KDM5A: variants seen among roughly 807,000 people sequenced by gnomAD.
KDM5A encodes the protein lysine-specific demethylase 5A.
In KDM5A, 42 loss-of-function variants were observed where a neutral mutation model predicts 193.5. The ratio of observed to expected loss-of-function variants is 0.22; its 90% CI spans 0.17 to 0.28. KDM5A has a LOEUF of 0.28. KDM5A is among the 10% of genes least tolerant of loss of function. The probability of loss-of-function intolerance (pLI) is 1.00; values close to 1 mark genes in which losing one functional copy is unlikely to be tolerated. For missense variants in KDM5A, 1,692 were observed against 2,055.1 expected, an observed-to-expected ratio of 0.82 and a Z score of 3.42; for synonymous variants, 796 against 718.1, an observed-to-expected ratio of 1.11 and a Z score of -1.73.
chr12:342,499 G>A (rs1002042881), intron 10 of KDM5A, among the ~76,000 whole-genome samples: 7 of 151,752 alleles, frequency 4.6e-5, no homozygotes, highest in Non-Finnish European at 8.8e-5. Context: ...TTGCTCTGTC[G>A]CCCAGGCTGG....
rs368183558 is a variant in KDM5A, at chr12:352,342, G to T, written c.1030-18C>A. On this transcript the variant is annotated intron_variant, in intron 8 of 27. Transcript: ENST00000399788. ...CTACATTCCTGGAAAGAAAAAATAT[G>T]TAAGATTAACTTACTGAAACTAAAC... 5 of 1,610,506 alleles carry T rather than the reference G, an allele frequency of 3.1e-6. No homozygotes were observed. Among genetic ancestry groups the T allele is most frequent in the Non-Finnish European group, 4.2e-6 (5 of 1,176,936 alleles).
intron 2 of KDM5A, among the ~76,000 whole-genome samples, chr12:384,429 CA>C (rs1444438958): frequency 6.6e-6 from 1 of 152,152 alleles, no homozygotes; most frequent in African/African-American, 2.4e-5. Flanking sequence ...AGTTTCATCC[CA>C]AAACCATCCT....
intron 10 of KDM5A, among the ~76,000 whole-genome samples, chr12:335,796 C>T (rs1309787262): frequency 6.6e-6 from 1 of 151,862 alleles, no homozygotes; most frequent in African/African-American, 2.4e-5. Flanking sequence ...AATCCCAGCA[C>T]TTTGGGAGGG....
At chr12:340,496 C>T (rs889714966) in intron 10 of KDM5A, among the ~76,000 whole-genome samples, 7 of 151,920 alleles carry the variant, frequency 4.6e-5, no homozygotes, top group African/African-American at 9.7e-5. Flanking sequence ...TAGTTCGAGA[C>T]CAGCCTGGCC....
At chr12:300,146 T>C (rs965420581) in intron 24 of KDM5A, among the ~76,000 whole-genome samples, 2 of 151,974 alleles carry the variant, frequency 1.3e-5, no homozygotes, top group Non-Finnish European at 2.9e-5. Flanking sequence ...TTAACAAGGA[T>C]ATCCAGGAAC....
intron 3 of KDM5A, among the ~76,000 whole-genome samples, chr12:381,021 T>C (rs1944566878): frequency 6.6e-6 from 1 of 151,728 alleles, no homozygotes. Flanking sequence ...GACGGAGTTG[T>C]GCCGCTCTTA....
intron 10 of KDM5A, among the ~76,000 whole-genome samples, chr12:335,917 C>T (rs12298836): frequency 0.07 from 10,613 of 151,538 alleles, 826 homozygotes; most frequent in East Asian, 0.35. Context: ...GTGGCGGGCA[C>T]CTGTAATCCC....
rs1455740921 is a variant in KDM5A at position 285,022 on chromosome 12, C to G, written c.*434G>C. The G allele has an allele frequency of 3.6e-6, 1 of 281,040 alleles. No homozygotes were observed. The highest frequency in any genetic ancestry group is 6.8e-6 in the Non-Finnish European group (1 of 146,684). The allele number at this position is 281,040 out of a possible 1,614,324, so 17.4% of individuals were successfully genotyped here. On this transcript the variant is annotated 3_prime_UTR_variant, in exon 28 of 28. Transcript: ENST00000399788. ...AGGAAAGTGGTACTCCAATCCCTCT[C>G]CAACTATCCCAATGAAGGAGATCCA...
intron 20 of KDM5A, among the ~76,000 whole-genome samples, chr12:311,626 C>T (rs1943587451): frequency 6.6e-6 from 1 of 152,134 alleles, no homozygotes; most frequent in Non-Finnish European, 1.5e-5. Context: ...AGGTCAAAAA[C>T]GCATCAAACA....
intron 3 of KDM5A, among the ~76,000 whole-genome samples, chr12:372,427 T>C (rs549228965): frequency 1.3e-5 from 2 of 152,350 alleles, no homozygotes; most frequent in African/African-American, 4.8e-5. Flanking sequence ...CTTGTGATTT[T>C]TGCACATTGA....
chr12:314,704 G>A (rs77216316), intron 19 of KDM5A, among the ~76,000 whole-genome samples: 2,650 of 152,246 alleles, frequency 0.017, 107 homozygotes, highest in South Asian at 0.16. Context: ...CTGGGGCCAG[G>A]GGCAGGGTAG....
At chr12:352,077 C>G in intron 9 of KDM5A, 128 bp downstream of exon 9, 1 of 829,486 alleles carries the variant, frequency 1.2e-6, no homozygotes, top group South Asian at 1.5e-5. Context: ...GCACTCCAGC[C>G]TGGGCGACAA....
At chr12:323,945 C>T (rs1943752872) in intron 14 of KDM5A, among the ~76,000 whole-genome samples, 164 bp from the exon 15 acceptor site, 1 of 152,092 alleles carries the variant, frequency 6.6e-6, no homozygotes, top group African/African-American at 2.4e-5. Flanking sequence ...GTAATCATTG[C>T]TAAATTTTTT....
rs918836337 is a variant in KDM5A at position 312,928 on chromosome 12, C to T, written c.3036+128G>A. ...TCGCACCATCATAAAGTCTAAAAAT[C>T]ACAAATCGATCTAAGTTAGGGATCG... On this transcript the variant is annotated intron_variant, in intron 20 of 27. Transcript: ENST00000399788. 6.3e-6 allele frequency: 7 copies of T among 1,109,708 alleles called. No homozygotes were observed. In the East Asian group the frequency reaches 7.6e-5, roughly 12 times the overall value. The allele number at this position is 1,109,708 out of a possible 1,614,324, so 68.7% of individuals were successfully genotyped here. A position where few individuals can be genotyped will look rare whatever the true frequency, so the allele number is the denominator to read the frequency against.
At chr12:289,876 T>C (rs1943268068) in intron 27 of KDM5A, among the ~76,000 whole-genome samples, 1 of 150,134 alleles carries the variant, frequency 6.7e-6, no homozygotes, top group Non-Finnish European at 1.5e-5. Context: ...AAGAACAAAC[T>C]GGGCTAAAAA....
rs1591891435 is a variant in KDM5A, at chr12:282,841, C to T, written c.*2615G>A. On this transcript the variant is annotated 3_prime_UTR_variant, in exon 28 of 28. Transcript: ENST00000399788. ...GAAAATAATGCTTTGTATTAGAACA[C>T]CAACATTTCTTTAAATAGATGAATC... The T allele has an allele frequency of 4.3e-6, 1 of 232,474 alleles. No individual in the cohort carries two copies. Among genetic ancestry groups the T allele is most frequent in the East Asian group, 6.1e-5 (1 of 16,408 alleles). 14.4% of individuals were successfully genotyped at this position (232,474 alleles called of 1,614,324 possible).
chr12:292,814 T>C lies in KDM5A; in HGVS notation c.4811A>G (p.Asp1604Gly). ...KYDWSGAEESDDENAVCAAQN... is the reference protein window; with the variant it reads ...KYDWSGAEESGDENAVCAAQN... ...TGCTGCGCACACAGCATTCTCATCA[T>C]CAGACTCCTCTGCTCCTGACCAGTC... is the stretch of plus-strand genomic sequence containing the variant. The change falls in exon 27 of 28, where the codon GAT becomes GGT. Residue 1604 changes from aspartate (D) to glycine (G), a missense_variant. Asp to Gly is a moderately conservative substitution (Grantham distance 94). Coordinates refer to ENST00000399788, the MANE Select transcript of KDM5A (RefSeq NM_001042603.3). 6.2e-7 allele frequency: 1 copy of C among 1,614,248 alleles called. No homozygotes were observed. The highest frequency in any genetic ancestry group is 8.5e-7 in the Non-Finnish European group (1 of 1,180,036).
At chr12:375,461 T>G (rs1359270037) in intron 3 of KDM5A, among the ~76,000 whole-genome samples, 2 of 152,238 alleles carry the variant, frequency 1.3e-5, no homozygotes, top group African/African-American at 2.4e-5. Context: ...CTGGTTATTC[T>G]ATTTAGCCAT....
chr12:318,512 A>G, intron 18 of KDM5A, 51 bp from the exon 19 acceptor site: 1 of 1,381,892 alleles, frequency 7.2e-7, no homozygotes, highest in South Asian at 1.2e-5. Flanking sequence ...TAAAACATAC[A>G]AAAGAGTATG....
Sources: allele counts gnomAD v4.1 joint callset (sites outside exome capture counted in the v4.1 genomes callset), GRCh38; gene constraint gnomAD v4.1.1; transcripts MANE v1.5; gene names NCBI Gene and HGNC (gene_info 2026-07-23, HGNC 2026-07-21).